Variants in CD1B observed in about 807,000 individuals in gnomAD.
CD1B encodes the protein CD1b molecule.
A neutral mutation model predicts 39.8 loss-of-function variants in CD1B; 43 were observed. The ratio of observed to expected loss-of-function variants is 1.08; its 90% CI spans 0.85 to 1.39. The LOEUF (loss-of-function observed/expected upper bound fraction) is 1.39. Ranked by LOEUF, CD1B falls within the 40% of genes most tolerant of loss-of-function variation. CD1B has a pLI of 0.00. For missense variants in CD1B, 495 were observed against 403.8 expected (o/e 1.23, Z -1.94); for synonymous variants, 192 against 152.5 (o/e 1.26, Z -1.91).
chr1:158,321,520 T>C, the CD1B span, among the ~76,000 whole-genome samples: 1 of 152,352 alleles, frequency 6.6e-6, no homozygotes, highest in Admixed American at 6.5e-5. Context: ...TAACTACCAA[T>C]AGGTAAGGAG....
Position 158,328,954 on chromosome 1 carries a change from A to G in CD1B, c.947T>C (p.Leu316Ser), listed in dbSNP as rs1194866454. 1 of 1,613,746 alleles carries G rather than the reference A, an allele frequency of 6.2e-7. No homozygotes were observed. The highest frequency in any genetic ancestry group is 8.5e-7 in the Non-Finnish European group (1 of 1,179,878). ...LAIIVPSLLL[L>S]LCLALWYMRR... The stretch of plus-strand genomic sequence containing the variant: ...CATATACCATAATGCAAGGCATAGC[A>G]AAAGGAGCAAGGAAGGCACTATTAT... Residue 316 changes from leucine to serine, a missense_variant, in exon 5 of 6, where the codon TTG (leucine) becomes TCG (serine). By Grantham distance (145) the Leu-to-Ser change is moderately radical (BLOSUM62 -2). Coordinates refer to ENST00000368168, the MANE Select transcript of CD1B (RefSeq NM_001764.3).
chr1:158,309,372 C>A, the CD1B span, among the ~76,000 whole-genome samples: 2 of 152,150 alleles, frequency 1.3e-5, no homozygotes, highest in Non-Finnish European at 2.9e-5. Context: ...AACACTTTTA[C>A]ACTGTTGGTG....
At chr1:158,297,810 C>A in the CD1B span, among the ~76,000 whole-genome samples, 1 of 152,084 alleles carries the variant, frequency 6.6e-6, no homozygotes, top group African/African-American at 2.4e-5. Context: ...TGGCACATGC[C>A]TGTAGTCCCA....
the CD1B span, among the ~76,000 whole-genome samples, chr1:158,322,053 C>T: frequency 6.6e-6 from 1 of 152,106 alleles, no homozygotes; most frequent in Admixed American, 6.5e-5. Context: ...ACTCTAACTC[C>T]TTTCTTCTCA....
At chr1:158,318,143 A>C in the CD1B span, among the ~76,000 whole-genome samples, 41 of 152,204 alleles carry the variant, frequency 2.7e-4, no homozygotes, top group African/African-American at 9.9e-4. Context: ...TATTCTGTTG[A>C]TTTGGGGTGG....
downstream of CD1B, among the ~76,000 whole-genome samples, chr1:158,325,745 T>A (rs1652327468): frequency 6.6e-6 from 1 of 152,146 alleles, no homozygotes; most frequent in South Asian, 2.1e-4. Flanking sequence ...AATACACATA[T>A]ATAAGATTTA....
chr1:158,329,645 T>C lies in CD1B; in HGVS notation c.611A>G (p.Lys204Arg), dbSNP rs1652505042. ...GCCACTGGACAGCCAGGCCTCAGGCTTCACTAAGGCAGGAAGGAGAAAAAA... is the reference window on the plus strand; with the variant it reads ...GCCACTGGACAGCCAGGCCTCAGGCCTCACTAAGGCAGGAAGGAGAAAAAA... ...AGKADLQRQV[K>R]PEAWLSSGPS... The change falls in exon 4 of 6, where the codon AAG becomes AGG. Residue 204 changes from lysine (K) to arginine (R), a missense_variant. Physicochemically the swap from Lys to Arg is conservative, Grantham distance 26. Transcript: ENST00000368168. 6.2e-7 allele frequency: 1 copy of C among 1,613,494 alleles called. No individual in the cohort carries two copies.
At chr1:158,288,732 T>C in the CD1B span, among the ~76,000 whole-genome samples, 1 of 152,200 alleles carries the variant, frequency 6.6e-6, no homozygotes, top group Non-Finnish European at 1.5e-5. Context: ...CTCCAATGCA[T>C]TCAGTGAATA....
the CD1B span, among the ~76,000 whole-genome samples, chr1:158,303,251 T>G: frequency 1.3e-5 from 2 of 152,090 alleles, no homozygotes; most frequent in African/African-American, 4.8e-5. Context: ...TAAAAACCCT[T>G]AAGAAACTAG....
At chr1:158,316,667 T>G in the CD1B span, among the ~76,000 whole-genome samples, 1 of 150,922 alleles carries the variant, frequency 6.6e-6, no homozygotes, top group Non-Finnish European at 1.5e-5. Context: ...CCTGCCTAAT[T>G]GCCCTGGCCA....
chr1:158,300,037 A>G, the CD1B span, among the ~76,000 whole-genome samples: 28 of 152,042 alleles, frequency 1.8e-4, no homozygotes, highest in Non-Finnish European at 4.0e-4. Flanking sequence ...TAGCTTTTGA[A>G]TATGTTTGCT....
the CD1B span, among the ~76,000 whole-genome samples, chr1:158,314,924 G>A: frequency 6.8e-6 from 1 of 147,352 alleles, no homozygotes; most frequent in East Asian, 2.0e-4. Flanking sequence ...TTTTGTTCTT[G>A]CGATAGTTTA....
the CD1B span, chr1:158,293,364 C>T: frequency 1.3e-6 from 2 of 1,593,112 alleles, no homozygotes; most frequent in African/African-American, 2.7e-5. Flanking sequence ...ATTTTTCACT[C>T]TCTTAGCTTT....
At chr1:158,314,454 T>C in the CD1B span, among the ~76,000 whole-genome samples, 1 of 152,158 alleles carries the variant, frequency 6.6e-6, no homozygotes, top group Non-Finnish European at 1.5e-5. Context: ...CTCTATTTAA[T>C]TTATTTCTGT....
intron 5 of CD1B, 59 bp from the exon 6 acceptor site, chr1:158,328,316 C>T: frequency 1.5e-6 from 2 of 1,356,268 alleles, no homozygotes; most frequent in Non-Finnish European, 2.1e-6. Context: ...CACCCATGCT[C>T]ATAGTAATAT....
chr1:158,304,501 C>T, the CD1B span, among the ~76,000 whole-genome samples: 1 of 152,146 alleles, frequency 6.6e-6, no homozygotes. Flanking sequence ...CTGTAGACTC[C>T]ATGTCTGGGG....
At chr1:158,293,061 C>G in the CD1B span, 1 of 874,470 alleles carries the variant, frequency 1.1e-6, no homozygotes, top group Non-Finnish European at 1.8e-6. Flanking sequence ...AATGAGGAAT[C>G]CTTCCTTGAG....
the CD1B span, among the ~76,000 whole-genome samples, chr1:158,299,327 G>C: frequency 6.6e-6 from 1 of 152,030 alleles, no homozygotes. Flanking sequence ...TTATTGATTT[G>C]CATATGTTGA....
At chr1:158,320,049 C>A in the CD1B span, among the ~76,000 whole-genome samples, 8 of 152,326 alleles carry the variant, frequency 5.3e-5, no homozygotes, top group African/African-American at 1.9e-4. Context: ...ACTGGGAGAA[C>A]CACTGCTCTC....
Sources: gnomAD v4.1 joint callset for allele counts (sites outside exome capture counted in the v4.1 genomes callset) on GRCh38, gnomAD v4.1.1 for gene constraint, MANE v1.5 for transcripts, NCBI Gene and HGNC (gene_info 2026-07-23, HGNC 2026-07-21) for gene names.